DNAJC15: variants seen among roughly 807,000 people sequenced by gnomAD.
The protein encoded by DNAJC15 is DnaJ heat shock protein family (Hsp40) member C15, also known as dnaJ homolog subfamily C member 15.
In DNAJC15, 27 loss-of-function variants were observed where a neutral mutation model predicts 22.4. The observed-to-expected ratio is 1.20, with a 90% CI of 0.89 to 1.66. The LOEUF (loss-of-function observed/expected upper bound fraction) is 1.66. Ranked by LOEUF, DNAJC15 falls within the 40% of genes most tolerant of loss-of-function variation. The pLI, the probability that DNAJC15 is intolerant of heterozygous loss-of-function variation, is 0.00. For missense variants in DNAJC15, 208 were observed against 187.1 expected (o/e 1.11, Z -0.65); for synonymous variants, 79 against 63.2 (o/e 1.25, Z -1.19).
intron 3 of DNAJC15, among the ~76,000 whole-genome samples, chr13:43,074,256 G>C (rs985397446): frequency 1.3e-5 from 2 of 152,052 alleles, no homozygotes; most frequent in African/African-American, 2.4e-5. Flanking sequence ...TGAATACTTT[G>C]GTTTAACTTA....
At chr13:43,098,821 T>C (rs1324893395) in intron 5 of DNAJC15, among the ~76,000 whole-genome samples, 1 of 152,218 alleles carries the variant, frequency 6.6e-6, no homozygotes, top group African/African-American at 2.4e-5. Flanking sequence ...TATTGTGAAA[T>C]GTGAGTCCTC....
intron 2 of DNAJC15, among the ~76,000 whole-genome samples, chr13:43,067,955 T>C (rs527871783): frequency 6.6e-6 from 1 of 152,308 alleles, no homozygotes; most frequent in East Asian, 1.9e-4. Context: ...AAGACCTTTT[T>C]ATCTTCACAT....
At chr13:43,027,703 C>T (rs1164741547) in intron 1 of DNAJC15, among the ~76,000 whole-genome samples, 3 of 151,552 alleles carry the variant, frequency 2.0e-5, no homozygotes, top group Admixed American at 1.3e-4. Flanking sequence ...GTTGCCCAGG[C>T]TGGAATGCAA....
intron 5 of DNAJC15, among the ~76,000 whole-genome samples, chr13:43,098,344 G>C (rs2040751276): frequency 6.6e-6 from 1 of 152,186 alleles, no homozygotes; most frequent in African/African-American, 2.4e-5. Flanking sequence ...TGGAAAAAGT[G>C]ATGTGCAGAT....
intron 1 of DNAJC15, among the ~76,000 whole-genome samples, chr13:43,039,481 G>C (rs2040443329): frequency 6.6e-6 from 1 of 152,188 alleles, no homozygotes; most frequent in African/African-American, 2.4e-5. Flanking sequence ...TTTACTGAGG[G>C]GAGAAGTGTG....
At chr13:43,065,162 C>G (rs969548334) in intron 1 of DNAJC15, among the ~76,000 whole-genome samples, 6 of 151,854 alleles carry the variant, frequency 4.0e-5, no homozygotes, top group Admixed American at 6.6e-5. Flanking sequence ...AATTTTGGAC[C>G]CTTATTTTAA....
At chr13:43,107,057 T>C in intron 5 of DNAJC15, 121 bp from the exon 6 acceptor site, 6 of 745,298 alleles carry the variant, frequency 8.1e-6, no homozygotes, top group Non-Finnish European at 1.2e-5. Flanking sequence ...GCTTATAAAA[T>C]AATTTGTCAG....
At chr13:43,048,944 A>G (rs1433918777) in intron 1 of DNAJC15, among the ~76,000 whole-genome samples, 2 of 152,098 alleles carry the variant, frequency 1.3e-5, no homozygotes, top group Non-Finnish European at 2.9e-5. Context: ...AACTTGCCCA[A>G]GGCAGCCTTG....
chr13:43,060,381 A>G (rs1410084232), intron 1 of DNAJC15, among the ~76,000 whole-genome samples: 2 of 152,176 alleles, frequency 1.3e-5, no homozygotes, highest in Non-Finnish European at 2.9e-5. Flanking sequence ...AAAGTAAACG[A>G]AAGACACAAG....
intron 2 of DNAJC15, among the ~76,000 whole-genome samples, chr13:43,066,478 G>A (rs2040584618): frequency 2.0e-5 from 3 of 152,142 alleles, no homozygotes; most frequent in Admixed American, 2.0e-4. Flanking sequence ...GGCCCACCTG[G>A]ATAATCAAGG....
intron 4 of DNAJC15, among the ~76,000 whole-genome samples, chr13:43,079,538 T>C (rs553168607): frequency 6.6e-6 from 1 of 152,270 alleles, no homozygotes; most frequent in African/African-American, 2.4e-5. Context: ...AGATCTCTCC[T>C]TACCAGACAA....
At chr13:43,062,752 C>T (rs1306951741) in intron 1 of DNAJC15, among the ~76,000 whole-genome samples, 3 of 151,874 alleles carry the variant, frequency 2.0e-5, no homozygotes, top group Non-Finnish European at 4.4e-5. Context: ...GAGTTTTGCT[C>T]TTGTTGCCCA....
At chr13:43,090,949 A>C (rs1215685392) in intron 5 of DNAJC15, among the ~76,000 whole-genome samples, 1 of 151,920 alleles carries the variant, frequency 6.6e-6, no homozygotes, top group East Asian at 1.9e-4. Flanking sequence ...TGATCCACCC[A>C]CCTTGGCCTC....
intron 1 of DNAJC15, among the ~76,000 whole-genome samples, chr13:43,052,105 C>T (rs1323629222): frequency 2.6e-5 from 4 of 151,766 alleles, no homozygotes; most frequent in Admixed American, 2.0e-4. Context: ...GCTGGGATTA[C>T]AGGCATGCTC....
Position 43,074,844 on chromosome 13 carries a change from C to G in DNAJC15, c.235-3768C>G, listed in dbSNP as rs1041539078. On this transcript the variant is annotated intron_variant, in intron 3 of 5. Transcript: ENST00000379221. ...CAACCTGGGTTTGAACTGCACAGGT[C>G]CACTTAATCATGATTTTAAAAAATA... is the stretch of plus-strand genomic sequence containing the variant. Among the ~76,000 whole-genome samples the G allele has an allele frequency of 5.9e-5, 9 of 151,922 alleles. No individual in the cohort carries two copies. The East Asian group carries it at 1.7e-3, about 29-fold the overall frequency.
At chr13:43,078,550 A>T (rs910440804) in intron 3 of DNAJC15, 62 bp from the exon 4 acceptor site, 1 of 1,361,684 alleles carries the variant, frequency 7.3e-7, no homozygotes, top group East Asian at 2.3e-5. Context: ...ACATGATGAG[A>T]TTGAGGTCAT....
At chr13:43,030,751 G>T (rs1040967171) in intron 1 of DNAJC15, among the ~76,000 whole-genome samples, 2 of 152,128 alleles carry the variant, frequency 1.3e-5, no homozygotes, top group Non-Finnish European at 2.9e-5. Flanking sequence ...CCCAGCAGTG[G>T]AGATCCTGCC....
Position 43,085,756 on chromosome 13 carries a change from T to G in DNAJC15, c.312-12T>G, listed in dbSNP as rs751640255. On this transcript the variant is annotated splice_polypyrimidine_tract_variant and intron_variant, in intron 4 of 5. Transcript: ENST00000379221. ...TGCTATTTATTATAAGCACTGTAAT[T>G]TCTTTTTACAGCCCATCTGCTGGCA... 1.8e-5 allele frequency: 29 copies of G among 1,608,782 alleles called. No homozygotes were observed. The highest frequency in any genetic ancestry group is 2.0e-5 in the Non-Finnish European group (24 of 1,178,120).
chr13:43,067,188 G>T (rs375848903), intron 2 of DNAJC15, among the ~76,000 whole-genome samples: 88 of 152,232 alleles, frequency 5.8e-4, no homozygotes, highest in Middle Eastern at 6.8e-3. Flanking sequence ...AAATAAGAGG[G>T]TCTTGTTTTG....
Sources: gnomAD v4.1 joint callset for allele counts (sites outside exome capture counted in the v4.1 genomes callset) on GRCh38, gnomAD v4.1.1 for gene constraint, MANE v1.5 for transcripts, NCBI Gene and HGNC (gene_info 2026-07-23, HGNC 2026-07-21) for gene names.